The following RAB38 variants were observed in gnomAD, a reference collection of about 807,000 sequenced individuals.
RAB38 encodes RAB38, member RAS oncogene family, also known as ras-related protein Rab-38.
A neutral mutation model predicts 18.4 loss-of-function variants in RAB38; 15 were observed. The observed-to-expected ratio is 0.82, with a 90% CI of 0.55 to 1.26. RAB38 has a LOEUF of 1.26. Among genes scored for constraint, RAB38 ranks in the 50% most tolerant of loss-of-function variants. RAB38 has a pLI of 0.00. For missense variants in RAB38, 294 were observed against 267.4 expected, an observed-to-expected ratio of 1.10 and a Z score of -0.69; for synonymous variants, 101 against 104.4, an observed-to-expected ratio of 0.97 and a Z score of 0.20.
the RAB38 span, among the ~76,000 whole-genome samples, chr11:88,105,053 TTAA>T: frequency 6.6e-6 from 1 of 152,094 alleles, no homozygotes. Flanking sequence ...TTACAGATTT[TTAA>T]TAATATTTAC....
At chr11:87,829,224 T>A in the RAB38 span, among the ~76,000 whole-genome samples, 1 of 152,190 alleles carries the variant, frequency 6.6e-6, no homozygotes, top group Non-Finnish European at 1.5e-5. Flanking sequence ...TCATTAACTA[T>A]TGGGTAGTAT....
the RAB38 span, among the ~76,000 whole-genome samples, chr11:87,903,763 T>C: frequency 6.6e-6 from 1 of 151,636 alleles, no homozygotes; most frequent in Non-Finnish European, 1.5e-5. Context: ...TTAATTTTTC[T>C]ATTCCATTTG....
At chr11:87,939,734 A>G in the RAB38 span, among the ~76,000 whole-genome samples, 1 of 151,872 alleles carries the variant, frequency 6.6e-6, no homozygotes, top group Non-Finnish European at 1.5e-5. Flanking sequence ...AAGAAAAGAA[A>G]TATCAAAATT....
chr11:88,005,293 AG>A, the RAB38 span, among the ~76,000 whole-genome samples: 6 of 151,464 alleles, frequency 4.0e-5, no homozygotes, highest in Admixed American at 4.0e-4. Flanking sequence ...CATACAGATT[AG>A]TTGTAAGAAA....
At chr11:87,812,831 C>T in the RAB38 span, among the ~76,000 whole-genome samples, 1 of 152,164 alleles carries the variant, frequency 6.6e-6, no homozygotes, top group Non-Finnish European at 1.5e-5. Context: ...GTGAATTAAT[C>T]CCTTACAAAT....
intron 2 of RAB38, among the ~76,000 whole-genome samples, chr11:88,115,187 TAA>T (rs1942532228): frequency 1.3e-5 from 2 of 152,200 alleles, no homozygotes; most frequent in African/African-American, 4.8e-5. Flanking sequence ...AGATCTGCAA[TAA>T]AGTTAAATTT....
At chr11:87,872,300 T>C in the RAB38 span, among the ~76,000 whole-genome samples, 1 of 151,532 alleles carries the variant, frequency 6.6e-6, no homozygotes, top group African/African-American at 2.4e-5. Flanking sequence ...TAGACTATAT[T>C]TTTAGAGCAA....
chr11:87,820,825 A>T, the RAB38 span, among the ~76,000 whole-genome samples: 1 of 152,242 alleles, frequency 6.6e-6, no homozygotes, highest in Admixed American at 6.5e-5. Context: ...TAAGGAATAG[A>T]ATCAGTGACC....
At chr11:87,913,298 T>A in the RAB38 span, among the ~76,000 whole-genome samples, 1 of 152,120 alleles carries the variant, frequency 6.6e-6, no homozygotes, top group South Asian at 2.1e-4. Flanking sequence ...CATGGAGGAA[T>A]GTTAAAATCT....
the RAB38 span, among the ~76,000 whole-genome samples, chr11:88,043,607 C>CA: frequency 7.3e-5 from 10 of 137,496 alleles, no homozygotes; most frequent in Non-Finnish European, 1.5e-4. Context: ...TTGTGACCCC[C>CA]CCACCCTGCC....
chr11:87,849,264 A>G, the RAB38 span, among the ~76,000 whole-genome samples: 77 of 152,146 alleles, frequency 5.1e-4, no homozygotes, highest in Non-Finnish European at 7.8e-4. Context: ...TTTGCCCAGG[A>G]CAATGCTAGT....
the RAB38 span, among the ~76,000 whole-genome samples, chr11:87,916,179 A>G: frequency 6.6e-6 from 1 of 152,014 alleles, no homozygotes; most frequent in East Asian, 1.9e-4. Flanking sequence ...TTGGGAGGGA[A>G]TGACTGTATT....
At chr11:87,973,002 G>C in the RAB38 span, among the ~76,000 whole-genome samples, 1 of 151,864 alleles carries the variant, frequency 6.6e-6, no homozygotes, top group Admixed American at 6.6e-5. Context: ...CTCTGCCCAT[G>C]TAAGACCTGC....
chr11:87,938,723 C>T, the RAB38 span, among the ~76,000 whole-genome samples: 1 of 148,326 alleles, frequency 6.7e-6, no homozygotes, highest in Non-Finnish European at 1.5e-5. Context: ...TGTTTGTGAC[C>T]ATGCGCATTT....
chr11:87,923,572 T>C, the RAB38 span, among the ~76,000 whole-genome samples: 1 of 150,288 alleles, frequency 6.7e-6, no homozygotes, highest in African/African-American at 2.5e-5. Context: ...TGTGTGTGTG[T>C]GTGCATGTGT....
At chr11:88,172,950 T>C (rs1326487163) in intron 1 of RAB38, among the ~76,000 whole-genome samples, 1 of 152,222 alleles carries the variant, frequency 6.6e-6, no homozygotes, top group East Asian at 1.9e-4. Context: ...TCTACTGAGA[T>C]GTTGAATGTA....
intron 1 of RAB38, among the ~76,000 whole-genome samples, chr11:88,173,150 G>A (rs1387095188): frequency 1.3e-5 from 2 of 152,072 alleles, no homozygotes; most frequent in African/African-American, 4.8e-5. Context: ...TGATAACTTG[G>A]GGACAAAATA....
At chr11:87,940,232 G>C in the RAB38 span, among the ~76,000 whole-genome samples, 1 of 151,370 alleles carries the variant, frequency 6.6e-6, no homozygotes, top group Admixed American at 6.6e-5. Context: ...ATGTCAGATT[G>C]AGGCTCTGTT....
At chr11:88,159,860 T>C (rs1399170396) in intron 1 of RAB38, among the ~76,000 whole-genome samples, 2 of 152,050 alleles carry the variant, frequency 1.3e-5, no homozygotes, top group African/African-American at 4.8e-5. Flanking sequence ...ATGTAAGATC[T>C]GAAGCTAGAA....
Sources: allele counts gnomAD v4.1 joint callset (sites outside exome capture counted in the v4.1 genomes callset), GRCh38; gene constraint gnomAD v4.1.1; transcripts MANE v1.5; gene names NCBI Gene and HGNC (gene_info 2026-07-23, HGNC 2026-07-21).